Variants in PDK1 observed in about 807,000 individuals in gnomAD.
The protein encoded by PDK1 is pyruvate dehydrogenase kinase 1.
A neutral mutation model predicts 54.2 loss-of-function variants in PDK1; 39 were observed. That is an observed-to-expected ratio of 0.72 (90% CI 0.56 to 0.94). The LOEUF (loss-of-function observed/expected upper bound fraction) is 0.94. PDK1 is among the 40% of genes least tolerant of loss of function. The probability of loss-of-function intolerance (pLI) is 0.00; values close to 1 mark genes in which losing one functional copy is unlikely to be tolerated. For synonymous variants in PDK1, 221 were observed against 207.1 expected, an observed-to-expected ratio of 1.07 and a Z score of -0.58; for missense variants, 552 against 566.0, an observed-to-expected ratio of 0.98 and a Z score of 0.25.
the PDK1 span, among the ~76,000 whole-genome samples, chr2:172,659,027 C>T: frequency 6.6e-6 from 1 of 152,142 alleles, no homozygotes; most frequent in Non-Finnish European, 1.5e-5. Context: ...CCCTATGATG[C>T]ATGTGATCTC....
chr2:172,672,450 T>C, the PDK1 span, among the ~76,000 whole-genome samples: 1 of 152,156 alleles, frequency 6.6e-6, no homozygotes, highest in African/African-American at 2.4e-5. Context: ...TTATTGAGGA[T>C]TTGTGATTTT....
Position 172,599,149 on chromosome 2 carries a change from A to AT in PDK1, c.*3181dup, listed in dbSNP as rs1691025120. 1 of 145,332 alleles carries AT rather than the reference A, an allele frequency of 6.9e-6. No individual in the cohort carries two copies. The highest frequency in any genetic ancestry group is 1.9e-4 in the East Asian group (1 of 5,156). 9.0% of individuals were successfully genotyped at this position (145,332 alleles called of 1,614,324 possible). ...TGAAATTTGAATAACTTTCCACAGT[A>AT]TAACTGTAAAAAAAAAAAAAAAAAG... On this transcript the variant is annotated 3_prime_UTR_variant, in exon 11 of 11. Transcript: ENST00000282077.
intron 9 of PDK1, among the ~76,000 whole-genome samples, chr2:172,589,627 T>C (rs764552152): frequency 1.3e-5 from 2 of 152,126 alleles, no homozygotes; most frequent in Non-Finnish European, 2.9e-5. Context: ...ATGGAATAGT[T>C]GATTTGTACG....
chr2:172,640,177 G>A, the PDK1 span, among the ~76,000 whole-genome samples: 1 of 152,184 alleles, frequency 6.6e-6, no homozygotes, highest in East Asian at 1.9e-4. Context: ...ACTTTATCCT[G>A]TTTGATTTTC....
At chr2:172,649,635 G>C in the PDK1 span, among the ~76,000 whole-genome samples, 1 of 152,144 alleles carries the variant, frequency 6.6e-6, no homozygotes, top group African/African-American at 2.4e-5. Flanking sequence ...GCGTAGAGAA[G>C]TCCTTAAATG....
chr2:172,653,656 A>G, the PDK1 span, among the ~76,000 whole-genome samples: 1 of 152,198 alleles, frequency 6.6e-6, no homozygotes, highest in Admixed American at 6.5e-5. Flanking sequence ...TGTTAGACCT[A>G]AAACCATAAA....
At chr2:172,578,984 C>T (rs1157838641) in intron 8 of PDK1, among the ~76,000 whole-genome samples, 2 of 152,124 alleles carry the variant, frequency 1.3e-5, no homozygotes, top group African/African-American at 2.4e-5. Context: ...AGGTCCTGCT[C>T]GCATAGAGCA....
chr2:172,700,182 C>G, the PDK1 span, among the ~76,000 whole-genome samples: 2 of 152,026 alleles, frequency 1.3e-5, no homozygotes, highest in African/African-American at 2.4e-5. Flanking sequence ...GTAACAATCC[C>G]ATCTCTCTTT....
chr2:172,659,418 A>G, the PDK1 span, among the ~76,000 whole-genome samples: 1 of 152,174 alleles, frequency 6.6e-6, no homozygotes, highest in African/African-American at 2.4e-5. Flanking sequence ...GTTCAACCCT[A>G]ACTGCATCTT....
the PDK1 span, among the ~76,000 whole-genome samples, chr2:172,714,435 A>G: frequency 6.6e-6 from 1 of 152,042 alleles, no homozygotes; most frequent in South Asian, 2.1e-4. Flanking sequence ...TTTATATTTG[A>G]AAGTTTTTTT....
the PDK1 span, among the ~76,000 whole-genome samples, chr2:172,633,893 T>TTTTTTTG: frequency 7.0e-6 from 1 of 142,246 alleles, no homozygotes; most frequent in African/African-American, 2.8e-5. Context: ...TTTTTTTTTT[T>TTTTTTTG]GAGACAGAGC....
intron 8 of PDK1, among the ~76,000 whole-genome samples, chr2:172,575,706 C>T (rs766684411): frequency 1.3e-5 from 2 of 151,960 alleles, no homozygotes; most frequent in Non-Finnish European, 2.9e-5. Flanking sequence ...CCTGTAATCC[C>T]AGCTACTCGA....
chr2:172,687,261 G>T, the PDK1 span, among the ~76,000 whole-genome samples: 32 of 151,308 alleles, frequency 2.1e-4, no homozygotes, highest in African/African-American at 5.8e-4. Flanking sequence ...TGTCTATATT[G>T]TTTCTTCTCT....
chr2:172,644,020 T>C, the PDK1 span, among the ~76,000 whole-genome samples: 1 of 152,212 alleles, frequency 6.6e-6, no homozygotes, highest in African/African-American at 2.4e-5. Context: ...CAGTTCCCAT[T>C]ACTGAGTTCT....
chr2:172,721,700 T>C, the PDK1 span, among the ~76,000 whole-genome samples: 1 of 152,230 alleles, frequency 6.6e-6, no homozygotes, highest in Non-Finnish European at 1.5e-5. Flanking sequence ...CAGTAATGCA[T>C]GGAAGGGTTA....
the PDK1 span, among the ~76,000 whole-genome samples, chr2:172,645,160 A>G: frequency 6.7e-4 from 102 of 151,276 alleles, 1 homozygote; most frequent in South Asian, 0.014. Flanking sequence ...CAAAAAGTAC[A>G]TATCGTGCCC....
chr2:172,703,824 A>T, the PDK1 span, among the ~76,000 whole-genome samples: 1 of 126,412 alleles, frequency 7.9e-6, no homozygotes, highest in Non-Finnish European at 1.5e-5. Flanking sequence ...CCAGGCTGGC[A>T]TGCAGTTGTG....
At chr2:172,614,606 A>T in the PDK1 span, among the ~76,000 whole-genome samples, 1 of 152,122 alleles carries the variant, frequency 6.6e-6, no homozygotes, top group East Asian at 1.9e-4. Context: ...GAGAGGAGCC[A>T]CTCTTTTCAG....
chr2:172,570,594 G>T (rs377456059), intron 7 of PDK1, 132 bp from the exon 8 acceptor site: 8 of 502,468 alleles, frequency 1.6e-5, no homozygotes, highest in South Asian at 7.9e-5. Flanking sequence ...TTTAAATGTG[G>T]TTATAAGAAT....
Sources: gnomAD v4.1 joint callset for allele counts (sites outside exome capture counted in the v4.1 genomes callset) on GRCh38, gnomAD v4.1.1 for gene constraint, MANE v1.5 for transcripts, NCBI Gene and HGNC (gene_info 2026-07-23, HGNC 2026-07-21) for gene names.